The following IQGAP2 variants were observed in gnomAD, a reference collection of about 807,000 sequenced individuals.
IQGAP2 encodes IQ motif containing GTPase activating protein 2.
A neutral mutation model predicts 201.3 loss-of-function variants in IQGAP2; 173 were observed. That is an observed-to-expected ratio of 0.86 (90% confidence interval 0.76 to 0.98). The LOEUF (loss-of-function observed/expected upper bound fraction) is 0.98, where lower values mean the gene tolerates loss of function less well. Ranked by LOEUF, IQGAP2 falls within the 50% of genes least tolerant of loss-of-function variation. IQGAP2 has a pLI of 0.00. For missense variants in IQGAP2, 1,687 were observed against 1,864.8 expected (o/e 0.90, Z 1.76); for synonymous variants, 675 against 673.9 (o/e 1.00, Z -0.03).
intron 11 of IQGAP2, among the ~76,000 whole-genome samples, chr5:76,601,985 T>C (rs145847360): frequency 6.6e-6 from 1 of 152,314 alleles, no homozygotes; most frequent in African/African-American, 2.4e-5. Flanking sequence ...ACTGTTTCTG[T>C]TACTTGTTAA....
Position 76,496,696 on chromosome 5 carries a change from T to G in IQGAP2, c.146+35027T>G, listed in dbSNP as rs970800289. On this transcript the variant is annotated intron_variant, in intron 2 of 35. Transcript: ENST00000274364. ...AAACGTACCAAATATTTTTCTTTCT[T>G]TCTGTCTCTTTCTTTCTTTCTTTCT... 2.5e-4 allele frequency among the ~76,000 whole-genome samples: 30 copies of G among 120,606 alleles called. 1 individual carries two copies. Among genetic ancestry groups the G allele is most frequent in the South Asian group, 3.1e-4 (1 of 3,228 alleles). The allele number at this position is 120,606 out of a possible 152,430, so 79.1% of individuals were successfully genotyped here. A position where few individuals can be genotyped will look rare whatever the true frequency, so the allele number is the denominator to read the frequency against.
chr5:76,440,219 G>T (rs911967502), intron 1 of IQGAP2, among the ~76,000 whole-genome samples: 1 of 152,192 alleles, frequency 6.6e-6, no homozygotes, highest in African/African-American at 2.4e-5. Context: ...AAGTTAAGGG[G>T]ACATTTAAAA....
chr5:76,499,821 C>T (rs568846272), intron 2 of IQGAP2, among the ~76,000 whole-genome samples: 8 of 152,196 alleles, frequency 5.3e-5, no homozygotes, highest in African/African-American at 1.9e-4. Flanking sequence ...AAAAAAAAAT[C>T]CTGCTGGGGC....
intron 2 of IQGAP2, among the ~76,000 whole-genome samples, chr5:76,480,697 A>C (rs927669228): frequency 3.3e-5 from 5 of 152,146 alleles, no homozygotes; most frequent in African/African-American, 1.2e-4. Context: ...TACAGTTCCT[A>C]GGGGATTTTG....
intron 6 of IQGAP2, 146 bp from the exon 7 acceptor site, chr5:76,589,469 G>GGGCTA: frequency 2.0e-6 from 1 of 492,650 alleles, no homozygotes; most frequent in Non-Finnish European, 3.6e-6. Flanking sequence ...TGAGAAACTT[G>GGGCTA]GGCTAGGTTC....
rs1281610427 is a variant in IQGAP2 at position 76,674,714 on chromosome 5, G to A, written c.3527+5G>A. 10 of 1,589,876 alleles carry A rather than the reference G, an allele frequency of 6.3e-6. No individual in the cohort carries two copies. The highest frequency in any genetic ancestry group is 1.3e-5 in the African/African-American group (1 of 74,406). ...AGAGACGTATCAGGAATTCAGGTGAGAGGGGCCCTTAGTTTTGGAGAAACG... is the reference window on the plus strand; with the variant it reads ...AGAGACGTATCAGGAATTCAGGTGAAAGGGGCCCTTAGTTTTGGAGAAACG... On this transcript the variant is annotated splice_donor_5th_base_variant and intron_variant, in intron 27 of 35. Coordinates refer to ENST00000274364, the MANE Select transcript of IQGAP2 (RefSeq NM_006633.5).
At chr5:76,593,114 G>A (rs1746772235) in intron 9 of IQGAP2, among the ~76,000 whole-genome samples, 189 bp downstream of exon 9, 1 of 152,034 alleles carries the variant, frequency 6.6e-6, no homozygotes, top group Non-Finnish European at 1.5e-5. Context: ...GCTTTTTTTG[G>A]TGATCTCAGT....
chr5:76,652,634 G>T, intron 17 of IQGAP2, 116 bp from the exon 18 acceptor site: 1 of 765,608 alleles, frequency 1.3e-6, no homozygotes. Flanking sequence ...TCTGAAGGGA[G>T]GGTGCCTGAC....
intron 30 of IQGAP2, among the ~76,000 whole-genome samples, chr5:76,692,845 A>T (rs533630805): frequency 1.3e-5 from 2 of 152,116 alleles, no homozygotes; most frequent in African/African-American, 4.8e-5. Context: ...GTTCGCTCCC[A>T]CTGGTCTTCA....
intron 1 of IQGAP2, among the ~76,000 whole-genome samples, chr5:76,447,341 C>G (rs1428779263): frequency 6.6e-6 from 1 of 152,216 alleles, no homozygotes; most frequent in African/African-American, 2.4e-5. Context: ...AGCCAATCAT[C>G]TATCGCCTGA....
At chr5:76,436,341 T>C (rs756647808) in intron 1 of IQGAP2, among the ~76,000 whole-genome samples, 1 of 151,330 alleles carries the variant, frequency 6.6e-6, no homozygotes, top group Non-Finnish European at 1.5e-5. Flanking sequence ...CAATATAATG[T>C]TGGCTTGTGG....
chr5:76,601,712 G>A (rs1346937868), intron 11 of IQGAP2, among the ~76,000 whole-genome samples: 2 of 152,142 alleles, frequency 1.3e-5, no homozygotes, highest in African/African-American at 4.8e-5. Context: ...TACTGATTTT[G>A]GAACGGCTCT....
intron 2 of IQGAP2, among the ~76,000 whole-genome samples, chr5:76,490,691 C>G (rs899178730): frequency 6.6e-6 from 1 of 152,068 alleles, no homozygotes; most frequent in Non-Finnish European, 1.5e-5. Flanking sequence ...TAACACCCAG[C>G]AAGGAACTGT....
chr5:76,671,827 T>C lies in IQGAP2; in HGVS notation c.2912T>C (p.Phe971Ser). 6.2e-7 allele frequency: 1 copy of C among 1,614,050 alleles called. No homozygotes were observed. The highest frequency in any genetic ancestry group is 8.5e-7 in the Non-Finnish European group (1 of 1,179,996). ...ACAGTCATCAAGATGGTCGTCAGCTTCAATAGAGGTGCCCGGGGACAGAAC... is the reference window on the plus strand; with the variant it reads ...ACAGTCATCAAGATGGTCGTCAGCTCCAATAGAGGTGCCCGGGGACAGAAC... ...NPTVIKMVVSFNRGARGQNTL... is the reference protein window; with the variant it reads ...NPTVIKMVVSSNRGARGQNTL... Residue 971 changes from phenylalanine (F) to serine (S), a missense_variant, in exon 24 of 36, where the codon TTC becomes TCC. By Grantham distance (155) the Phe-to-Ser change is radical (BLOSUM62 -2). Transcript: ENST00000274364.
At chr5:76,449,946 C>A (rs1171037630) in intron 1 of IQGAP2, among the ~76,000 whole-genome samples, 1 of 152,186 alleles carries the variant, frequency 6.6e-6, no homozygotes, top group Non-Finnish European at 1.5e-5. Flanking sequence ...GCTGTTCTGG[C>A]TCTTGTATAA....
In IQGAP2 at chr5:76,612,114, C is replaced by G. The variant is rs189209224; in HGVS notation, c.1521+931C>G. ...TAATCATCACAACAATTCATAACAG[C>G]CTTCTGAACCATTTTGCCATCATTA... On this transcript the variant is annotated intron_variant, in intron 13 of 35. Coordinates refer to ENST00000274364, the MANE Select transcript of IQGAP2 (RefSeq NM_006633.5). 1.6e-3 allele frequency among the ~76,000 whole-genome samples: 239 copies of G among 152,282 alleles called. 1 individual carries two copies. Among genetic ancestry groups the G allele is most frequent in the Admixed American group, 2.6e-3 (39 of 15,290 alleles).
chr5:76,654,935 A>G lies in IQGAP2; in HGVS notation c.2252A>G (p.Asn751Ser), dbSNP rs1752794384. The change falls in exon 20 of 36, where the codon AAT (asparagine) becomes AGT (serine). Residue 751 changes from asparagine to serine, a missense_variant and splice_region_variant. Asn to Ser is a conservative substitution (Grantham distance 46, BLOSUM62 1). Coordinates refer to ENST00000274364, the MANE Select transcript of IQGAP2 (RefSeq NM_006633.5). ...AAGACTTGTCTTAATCTTTTGCAGA[A>G]TAATGAAATTGTGAAAATACAGTCA... is the stretch of plus-strand genomic sequence containing the variant. ...LSRLQYFRDHNNEIVKIQSLL... is the reference protein window; with the variant it reads ...LSRLQYFRDHSNEIVKIQSLL... 1 of 1,607,350 alleles carries G rather than the reference A, an allele frequency of 6.2e-7. No individual in the cohort carries two copies. Among genetic ancestry groups the G allele is most frequent in the African/African-American group, 1.3e-5 (1 of 74,816 alleles).
rs775716632 is a variant in IQGAP2, at chr5:76,695,593, T to C, written c.4133T>C (p.Leu1378Pro). ...EQKKRKIQRN[L>P]RTLEQTGHVS... ...AAGAAGAGGAAAATCCAGAGGAATC[T>C]TCGGACGTTGGAACAGACTGGACAC... Residue 1378 changes from leucine (L) to proline (P), a missense_variant, in exon 32 of 36, where the codon CTT becomes CCT. By Grantham distance (98) the Leu-to-Pro change is moderately conservative. Coordinates refer to ENST00000274364, the MANE Select transcript of IQGAP2 (RefSeq NM_006633.5). 3 of 1,614,188 alleles carry C rather than the reference T, an allele frequency of 1.9e-6. No individual in the cohort carries two copies. In the South Asian group the frequency reaches 3.3e-5, roughly 18 times the overall value.
chr5:76,546,093 C>T (rs1484958988), intron 2 of IQGAP2, among the ~76,000 whole-genome samples: 1 of 152,146 alleles, frequency 6.6e-6, no homozygotes, highest in African/African-American at 2.4e-5. Context: ...CACATTTTAC[C>T]TCTTGCTTTA....
Sources: allele counts gnomAD v4.1 joint callset (sites outside exome capture counted in the v4.1 genomes callset), GRCh38; gene constraint gnomAD v4.1.1; transcripts MANE v1.5; gene names NCBI Gene and HGNC (gene_info 2026-07-23, HGNC 2026-07-21).